PRSS41: variants seen among roughly 807,000 people sequenced by gnomAD.
PRSS41 encodes protease, serine 41.
In PRSS41, 37 loss-of-function variants were observed where a neutral mutation model predicts 28.8. The ratio of observed to expected loss-of-function variants is 1.29; its 90% CI spans 0.99 to 1.69. The LOEUF is 1.69. Among genes scored for constraint, PRSS41 ranks in the 40% most tolerant of loss-of-function variants. The pLI is 0.00. For missense variants in PRSS41, 431 were observed against 400.7 expected (o/e 1.08, Z -0.65); for synonymous variants, 195 against 163.1 (o/e 1.20, Z -1.49).
At chr16:2,799,192 C>G in intron 3 of PRSS41, 68 bp downstream of exon 3, 1 of 1,511,014 alleles carries the variant, frequency 6.6e-7, no homozygotes, top group Non-Finnish European at 8.9e-7. Flanking sequence ...ACAGTAGCCA[C>G]CCAGCAGCTT....
intron 4 of PRSS41, among the ~76,000 whole-genome samples, chr16:2,800,542 C>CAAAA (rs56393015): frequency 3.7e-5 from 3 of 81,944 alleles, no homozygotes; most frequent in African/African-American, 1.3e-4. Context: ...GACTCCATCT[C>CAAAA]AAAAAAAAAA....
At chr16:2,801,797 G>A (rs1483537186) in intron 4 of PRSS41, among the ~76,000 whole-genome samples, 1 of 151,422 alleles carries the variant, frequency 6.6e-6, no homozygotes, top group South Asian at 2.1e-4. Flanking sequence ...ACCTTTCCCC[G>A]CTTTCTATTC....
chr16:2,805,229 A>G lies in PRSS41; in HGVS notation c.*97A>G, dbSNP rs2069014319. On this transcript the variant is annotated 3_prime_UTR_variant, in exon 6 of 6. Coordinates refer to ENST00000399677, the Ensembl canonical transcript of PRSS41. ...TCTGGGCTGTGGGCGCTTCAGGGAC[A>G]GGGTTGGGACTGCCTGCTGGATCAG... The G allele has an allele frequency of 3.1e-6, 3 of 980,374 alleles. No individual in the cohort carries two copies. The African/African-American group carries it at 4.8e-5, about 16-fold the overall frequency. 60.7% of individuals were successfully genotyped at this position (980,374 alleles called of 1,614,324 possible).
intron 5 of PRSS41, 141 bp from the exon 6 acceptor site, chr16:2,804,773 T>C: frequency 2.4e-6 from 2 of 822,818 alleles, no homozygotes; most frequent in Non-Finnish European, 1.9e-6. Context: ...ACTTTGAAAG[T>C]GTAGAAACTG....
At chr16:2,798,478 G>A (rs901057360), upstream of PRSS41, 7 of 1,481,638 alleles carry the variant, frequency 4.7e-6, no homozygotes, top group Admixed American at 2.4e-5. Flanking sequence ...CCGCGGGAGA[G>A]GAGGCCATGG....
chr16:2,802,013 G>C (rs887525836), intron 4 of PRSS41, among the ~76,000 whole-genome samples: 4 of 140,790 alleles, frequency 2.8e-5, no homozygotes, highest in Admixed American at 6.9e-5. Context: ...CTGGCCGGGC[G>C]TGGGGCTGAC....
chr16:2,804,631 C>A, intron 5 of PRSS41, 85 bp downstream of exon 5: 2 of 1,302,732 alleles, frequency 1.5e-6, no homozygotes, highest in Non-Finnish European at 2.1e-6. Context: ...CAACCACTCC[C>A]AACCCATTGC....
intron 2 of PRSS41, 38 bp from the exon 3 acceptor site, chr16:2,798,921 C>CCCCCG: frequency 6.6e-7 from 1 of 1,505,868 alleles, no homozygotes; most frequent in Non-Finnish European, 8.8e-7. Flanking sequence ...CACCCCACCC[C>CCCCCG]ACCCGGCAGC....
At chr16:2,802,210 C>T (rs1339289509) in intron 4 of PRSS41, among the ~76,000 whole-genome samples, 3 of 149,208 alleles carry the variant, frequency 2.0e-5, no homozygotes, top group Non-Finnish European at 4.5e-5. Flanking sequence ...GACAGGGTCG[C>T]GGCCGGGCAG....
exon 4 of PRSS41, chr16:2,799,456 C>T: frequency 6.4e-7 from 1 of 1,552,254 alleles, no homozygotes; most frequent in Non-Finnish European, 8.7e-7. Context: ...CTGGCCTCTT[C>T]TGTCACCTAC....
intron 2 of PRSS41, 146 bp downstream of exon 2, chr16:2,798,808 A>C: frequency 8.7e-7 from 1 of 1,148,868 alleles, no homozygotes; most frequent in Non-Finnish European, 1.2e-6. Flanking sequence ...TCCACTGCCC[A>C]CCACGTGGGA....
At chr16:2,799,045 C>A (rs773321917) in exon 3 of PRSS41, 1 of 1,533,022 alleles carries the variant, frequency 6.5e-7, no homozygotes, top group Non-Finnish European at 8.7e-7. Flanking sequence ...GGCCAGCCTG[C>A]GCCTGAGGAG....
At chr16:2,799,223 C>T in intron 3 of PRSS41, 63 bp from the exon 4 acceptor site, 1 of 1,527,634 alleles carries the variant, frequency 6.5e-7, no homozygotes. Flanking sequence ...ACTGGGCCTC[C>T]AGCGTGCTCA....
At chr16:2,802,203 A>G (rs1327283841) in intron 4 of PRSS41, among the ~76,000 whole-genome samples, 6 of 122,478 alleles carry the variant, frequency 4.9e-5, no homozygotes, top group Non-Finnish European at 1.0e-4. Context: ...CCTCCCAGAC[A>G]GGGTCGCGGC....
intron 4 of PRSS41, among the ~76,000 whole-genome samples, chr16:2,803,365 A>G (rs145614254): frequency 6.6e-4 from 101 of 152,172 alleles, no homozygotes; most frequent in African/African-American, 2.4e-3. Flanking sequence ...AGGGATTACA[A>G]TTAACATCTA....
chr16:2,800,430 C>A (rs146331709), intron 4 of PRSS41, among the ~76,000 whole-genome samples: 1,577 of 151,256 alleles, frequency 0.01, 30 homozygotes, highest in African/African-American at 0.037. Context: ...AATCTCAGCT[C>A]CTTGGGAGGC....
chr16:2,801,731 T>A (rs1380560116), intron 4 of PRSS41, among the ~76,000 whole-genome samples: 2 of 152,106 alleles, frequency 1.3e-5, no homozygotes, highest in African/African-American at 4.8e-5. Flanking sequence ...AAGTCTCCCA[T>A]GTCTACCTCT....
chr16:2,804,870 C>G, intron 5 of PRSS41, 44 bp from the exon 6 acceptor site: 1 of 1,481,326 alleles, frequency 6.8e-7, no homozygotes, highest in Non-Finnish European at 9.2e-7. Context: ...TCTGCTGCCC[C>G]ACCCACTCTG....
intron 4 of PRSS41, among the ~76,000 whole-genome samples, chr16:2,803,022 T>C (rs1432177094): frequency 6.6e-6 from 1 of 152,168 alleles, no homozygotes; most frequent in African/African-American, 2.4e-5. Flanking sequence ...TCAGCCTGTG[T>C]GTTTCACTGG....
Sources: gnomAD v4.1 joint callset for allele counts (sites outside exome capture counted in the v4.1 genomes callset) on GRCh38, gnomAD v4.1.1 for gene constraint, MANE v1.5 for transcripts, NCBI Gene and HGNC (gene_info 2026-07-23, HGNC 2026-07-21) for gene names.